The following BBS2 variants were observed in gnomAD, a reference collection of about 807,000 sequenced individuals.
BBS2 encodes Bardet-Biedl syndrome 2, also known as BBSome complex member BBS2.
In BBS2, 62 loss-of-function variants were observed where a neutral mutation model predicts 83.0. The observed-to-expected ratio is 0.75, with a 90% CI of 0.61 to 0.92. The LOEUF is 0.92. BBS2 is among the 40% of genes least tolerant of loss of function. BBS2 has a pLI of 0.00. For synonymous variants in BBS2, 303 were observed against 326.1 expected (o/e 0.93, Z 0.76); for missense variants, 784 against 901.0 (o/e 0.87, Z 1.66).
At chr16:56,505,393 G>A (rs1964395029) in intron 7 of BBS2, among the ~76,000 whole-genome samples, 1 of 152,266 alleles carries the variant, frequency 6.6e-6, no homozygotes, top group Admixed American at 6.5e-5. Flanking sequence ...GAAAGCGAGG[G>A]CAAATGGTAT....
chr16:56,475,588 C>G (rs549602810), intron 17 of BBS2: 119 of 1,607,368 alleles, frequency 7.4e-5, no homozygotes, highest in Non-Finnish European at 9.5e-5. Context: ...TGATAGCAAA[C>G]TATCATTTTT....
chr16:56,510,766 G>A (rs1164975734), intron 4 of BBS2, 93 bp downstream of exon 4: 2 of 1,360,762 alleles, frequency 1.5e-6, no homozygotes, highest in African/African-American at 1.4e-5. Flanking sequence ...AATCAGCCAG[G>A]AGAAGCTTAC....
intron 5 of BBS2, among the ~76,000 whole-genome samples, chr16:56,506,566 G>T (rs1964428075): frequency 1.3e-5 from 2 of 152,222 alleles, no homozygotes; most frequent in South Asian, 4.1e-4. Flanking sequence ...ATATACAATA[G>T]ATATTATATA....
chr16:56,477,314 G>C (rs1360021983), intron 17 of BBS2: 1 of 152,142 alleles, frequency 6.6e-6, no homozygotes. Flanking sequence ...TCACAGTACA[G>C]TGTAGGCTTA....
intron 1 of BBS2, among the ~76,000 whole-genome samples, chr16:56,518,442 A>G (rs1964813335): frequency 1.3e-5 from 2 of 152,350 alleles, no homozygotes; most frequent in Admixed American, 6.5e-5. Flanking sequence ...TAAAAAGAAA[A>G]TAACAGGTAA....
At chr16:56,511,024 C>A (rs966252170) in intron 3 of BBS2, 103 bp from the exon 4 acceptor site, 8 of 1,552,980 alleles carry the variant, frequency 5.2e-6, no homozygotes, top group Non-Finnish European at 7.1e-6. Context: ...CGAATGAATG[C>A]TATTCGAATT....
intron 4 of BBS2, 106 bp from the exon 5 acceptor site, chr16:56,510,140 C>A: frequency 1.1e-6 from 1 of 907,400 alleles, no homozygotes; most frequent in East Asian, 2.6e-5. Flanking sequence ...CTTCTGCCAC[C>A]CAAGATTGAC....
In BBS2 at chr16:56,510,866, T is replaced by C. The variant is rs1472580637; in HGVS notation, c.527A>G (p.Lys176Arg). The change falls in exon 4 of 17, where the codon AAG becomes AGG. Residue 176 changes from lysine to arginine, a missense_variant. Coordinates refer to ENST00000245157, the MANE Select transcript of BBS2 (RefSeq NM_031885.5). The part of the protein sequence containing the change: ...LALCDFDGDG[K>R]KELLVGSEDF... ...ATCTCCTCCCCCACATACCTCTTTCTTTCCATCACCATCAAAGTCACACAA... is the reference window on the plus strand; with the variant it reads ...ATCTCCTCCCCCACATACCTCTTTCCTTCCATCACCATCAAAGTCACACAA... 7 of 1,614,016 alleles carry C rather than the reference T, an allele frequency of 4.3e-6. No homozygotes were observed. In the Admixed American group the frequency reaches 1.0e-4, roughly 23 times the overall value.
chr16:56,507,177 G>T (rs548996973), intron 5 of BBS2, among the ~76,000 whole-genome samples: 9 of 152,284 alleles, frequency 5.9e-5, no homozygotes. Context: ...TCTGGGAAAT[G>T]ATATTTGAGC....
intron 14 of BBS2, chr16:56,497,304 A>G (rs1247544713): frequency 2.9e-5 from 17 of 580,020 alleles, no homozygotes; most frequent in Admixed American, 1.7e-4. Flanking sequence ...CCCATGCTTT[A>G]GCACCAGGAG....
chr16:56,488,568 TG>T (rs763254191), intron 15 of BBS2, among the ~76,000 whole-genome samples: 39 of 152,154 alleles, frequency 2.6e-4, no homozygotes, highest in Non-Finnish European at 4.9e-4. Context: ...CCTCCCTAGG[TG>T]CATCAACCTT....
chr16:56,485,754 G>A lies in BBS2; in HGVS notation c.1911-16C>T, dbSNP rs771439185. On this transcript the variant is annotated splice_polypyrimidine_tract_variant and intron_variant, in intron 15 of 16. Transcript: ENST00000245157. ...CATTGTTTTCCTGTGCAAATCAGTA[G>A]AAATTTGACATCATTTCATGTTGAT... 13 of 1,613,270 alleles carry A rather than the reference G, an allele frequency of 8.1e-6. No individual in the cohort carries two copies. The highest frequency in any genetic ancestry group is 2.2e-5 in the South Asian group (2 of 91,022).
At chr16:56,493,971 T>C (rs1157120203) in intron 15 of BBS2, among the ~76,000 whole-genome samples, 6 of 151,830 alleles carry the variant, frequency 4.0e-5, no homozygotes, top group African/African-American at 1.5e-4. Context: ...ATTCCCCCAC[T>C]TTTTTTTAAG....
chr16:56,473,178 C>A (rs1446482770), intron 17 of BBS2, among the ~76,000 whole-genome samples: 1 of 152,204 alleles, frequency 6.6e-6, no homozygotes, highest in East Asian at 1.9e-4. Flanking sequence ...GATCCGCCCA[C>A]CCTGGCCTCC....
chr16:56,500,799 T>C, intron 11 of BBS2, 55 bp downstream of exon 11: 1 of 1,585,442 alleles, frequency 6.3e-7, no homozygotes, highest in East Asian at 2.2e-5. Flanking sequence ...AATTTATACA[T>C]CTTGCCCTCC....
chr16:56,504,573 A>C (rs1290809129), intron 7 of BBS2, among the ~76,000 whole-genome samples: 2 of 152,182 alleles, frequency 1.3e-5, no homozygotes, highest in Non-Finnish European at 2.9e-5. Context: ...TTTCTGTTAG[A>C]TGTAGATAAT....
intron 12 of BBS2, chr16:56,498,841 C>A: frequency 1.5e-6 from 1 of 674,358 alleles, no homozygotes; most frequent in Non-Finnish European, 2.3e-6. Flanking sequence ...GACATGATTT[C>A]ATAGCATCTT....
At chr16:56,518,873 T>C (rs1964829692) in intron 1 of BBS2, among the ~76,000 whole-genome samples, 1 of 143,746 alleles carries the variant, frequency 7.0e-6, no homozygotes, top group African/African-American at 2.5e-5. Flanking sequence ...ATTTCTCTTT[T>C]ATCTCTTTGA....
intron 7 of BBS2, 128 bp downstream of exon 7, chr16:56,505,822 A>G: frequency 1.4e-6 from 1 of 734,170 alleles, no homozygotes; most frequent in South Asian, 1.5e-5. Flanking sequence ...ATTAAGTTAA[A>G]TGTAAAAACA....
Sources: allele counts gnomAD v4.1 joint callset (sites outside exome capture counted in the v4.1 genomes callset), GRCh38; gene constraint gnomAD v4.1.1; transcripts MANE v1.5; gene names NCBI Gene and HGNC (gene_info 2026-07-23, HGNC 2026-07-21).